Variants in ZC3H6 observed in about 807,000 individuals in gnomAD.
ZC3H6 encodes zinc finger CCCH-type containing 6, also known as zinc finger CCCH domain-containing protein 6.
Under a neutral mutation model 107.7 loss-of-function variants are expected in ZC3H6, and 40 were observed. The observed-to-expected ratio is 0.37, with a 90% confidence interval of 0.29 to 0.48. The LOEUF (loss-of-function observed/expected upper bound fraction) is 0.48, where lower values mean the gene tolerates loss of function less well. ZC3H6 is among the 20% of genes least tolerant of loss of function. The pLI is 0.98. For missense variants in ZC3H6, 1,267 were observed against 1,410.4 expected (o/e 0.90, Z 1.63); for synonymous variants, 493 against 487.9 (o/e 1.01, Z -0.14).
Position 112,321,738 on chromosome 2 carries a change from C to T in ZC3H6, c.977-18C>T. On this transcript the variant is annotated intron_variant, in intron 7 of 11. Transcript: ENST00000409871. ...GACCTTGATTTTACTTGGTCTTTTC[C>T]TTAATATTTTTATTTACATGAATTT... The T allele has an allele frequency of 6.4e-6, 9 of 1,406,786 alleles. No homozygotes were observed. The highest frequency in any genetic ancestry group is 2.7e-5 in the Admixed American group (1 of 36,706). 87.1% of individuals were successfully genotyped at this position (1,406,786 alleles called of 1,614,324 possible). A position where few individuals can be genotyped will look rare whatever the true frequency, so the allele number is the denominator to read the frequency against.
At chr2:112,294,747 G>A (rs1330385103) in intron 1 of ZC3H6, among the ~76,000 whole-genome samples, 1 of 152,058 alleles carries the variant, frequency 6.6e-6, no homozygotes, top group East Asian at 1.9e-4. Context: ...CCTCTATTAA[G>A]GCATATCAGT....
intron 1 of ZC3H6, among the ~76,000 whole-genome samples, chr2:112,292,340 C>T (rs1274054687): frequency 6.6e-6 from 1 of 152,230 alleles, no homozygotes; most frequent in Admixed American, 6.5e-5. Context: ...GGCATTTGGC[C>T]TGACTGAATA....
rs1417364618 is a variant in ZC3H6, at chr2:112,331,296, G to A, written c.2378G>A (p.Ser793Asn). Residue 793 changes from serine to asparagine, a missense_variant, in exon 12 of 12, where the codon AGT becomes AAT. Around this residue, in one of 3 missense-constraint regions of ZC3H6, gnomAD observed 925 missense variants for 1,025.7 expected, o/e 0.90. Coordinates refer to ENST00000409871, the MANE Select transcript of ZC3H6 (RefSeq NM_198581.3). ...CCCAGGAAATTGAGAGGGAATGGAAGTGGTCACATAGGCTCTTCTGTTGGT... is the reference window on the plus strand; with the variant it reads ...CCCAGGAAATTGAGAGGGAATGGAAATGGTCACATAGGCTCTTCTGTTGGT... ...WDPRKLRGNGSGHIGSSVGGA... is the reference protein window; with the variant it reads ...WDPRKLRGNGNGHIGSSVGGA... 1.2e-6 allele frequency: 2 copies of A among 1,613,556 alleles called. No individual in the cohort carries two copies. The highest frequency in any genetic ancestry group is 1.1e-5 in the South Asian group (1 of 91,090).
intron 1 of ZC3H6, among the ~76,000 whole-genome samples, chr2:112,291,273 G>A (rs899057308): frequency 2.6e-5 from 4 of 151,864 alleles, no homozygotes; most frequent in Admixed American, 1.3e-4. Context: ...TCACTCTGTC[G>A]GCCAGGCTGG....
chr2:112,303,195 A>C (rs368500504), intron 2 of ZC3H6, 34 bp from the exon 3 acceptor site: 428 of 1,585,394 alleles, frequency 2.7e-4, no homozygotes, highest in Admixed American at 3.9e-4. Context: ...TTCCTTTTGC[A>C]AATGTAACAT....
In ZC3H6 at chr2:112,331,669, A is replaced by G. The variant is rs565501945; in HGVS notation, c.2751A>G (p.Thr917=). 25 of 1,613,972 alleles carry G rather than the reference A, an allele frequency of 1.5e-5. No homozygotes were observed. Among genetic ancestry groups the G allele is most frequent in the South Asian group, 1.5e-4 (14 of 91,080 alleles). Residue 917 remains threonine, a synonymous_variant, in exon 12 of 12, where the codon ACA becomes ACG. Transcript: ENST00000409871. ...ADQRLNRLWN[T]KSDLHQNTVS... is the part of the protein sequence containing the mutation. ...AGAGGCTAAATAGATTATGGAATAC[A>G]AAAAGTGATCTTCATCAAAATACAG...
In ZC3H6 at chr2:112,299,980, AAG is replaced by A. The variant is rs1162388557; in HGVS notation, c.174_175del (p.Lys59GlufsTer9). ...AGAAAATCAAGAAAAAAACATAAGA[AAG>A]AGAGAGAGAAGAAAAAATCCAAAAG... On this transcript the variant is annotated frameshift_variant, in exon 2 of 12. Coordinates refer to ENST00000409871, the MANE Select transcript of ZC3H6 (RefSeq NM_198581.3). LOFTEE classifies it high-confidence loss of function. 20 of 1,499,046 alleles carry A rather than the reference AAG, an allele frequency of 1.3e-5. No individual in the cohort carries two copies. Among genetic ancestry groups the A allele is most frequent in the Admixed American group, 5.0e-5 (2 of 40,002 alleles). 92.9% of individuals were successfully genotyped at this position (1,499,046 alleles called of 1,614,324 possible).
Position 112,331,849 on chromosome 2 carries a change from C to A in ZC3H6, c.2931C>A (p.Pro977=). 6.2e-7 allele frequency: 1 copy of A among 1,613,832 alleles called. No homozygotes were observed. Residue 977 remains proline (P), a synonymous_variant, in exon 12 of 12, where the codon CCC becomes CCA. Transcript: ENST00000409871. ...TTGATCCTAGGCTTCACAGACTGCCCAATACAGAGTCTCATCAAGTGGTTA... is the reference window on the plus strand; with the variant it reads ...TTGATCCTAGGCTTCACAGACTGCCAAATACAGAGTCTCATCAAGTGGTTA... ...KNFDPRLHRL[P]NTESHQVVMK...
rs146668553 is a variant in ZC3H6, at chr2:112,315,066, T to C, written c.748-1404T>C. Among the ~76,000 whole-genome samples the C allele has an allele frequency of 5.6e-4, 86 of 152,292 alleles. 2 individuals are homozygous for C. In the East Asian group the frequency reaches 0.015, roughly 27 times the overall value. ...AGATTGAACTTTATGCTCTATCTTT[T>C]AGCAAATTAAGAGAAAAGGGAAAAC... On this transcript the variant is annotated intron_variant, in intron 5 of 11. Transcript: ENST00000409871.
intron 1 of ZC3H6, among the ~76,000 whole-genome samples, chr2:112,282,709 T>C (rs1411868563): frequency 4.6e-5 from 7 of 152,236 alleles, no homozygotes; most frequent in Admixed American, 3.9e-4. Context: ...TCAAGAAATA[T>C]ATTCTTTCAA....
chr2:112,330,755 A>G (rs1476029782), intron 11 of ZC3H6, among the ~76,000 whole-genome samples: 1 of 152,154 alleles, frequency 6.6e-6, no homozygotes, highest in Non-Finnish European at 1.5e-5. Context: ...ATAGAGTATA[A>G]TGACTGAATC....
chr2:112,275,613 G>C lies in ZC3H6; in HGVS notation c.-382G>C, dbSNP rs1210115456. The stretch of plus-strand genomic sequence containing the variant: ...GCGGCCGGCGCCATTTTCTCGAGCC[G>C]CCTGTTTCGGGTGCCGCCATGTTGG... On this transcript the variant is annotated 5_prime_UTR_variant, in exon 1 of 12. Transcript: ENST00000409871. The C allele has an allele frequency of 2.5e-6, 1 of 400,876 alleles. No individual in the cohort carries two copies. The highest frequency in any genetic ancestry group is 4.4e-5 in the Admixed American group (1 of 22,710). The allele number at this position is 400,876 out of a possible 1,614,324, so 24.8% of individuals were successfully genotyped here. A position where few individuals can be genotyped will look rare whatever the true frequency, so the allele number is the denominator to read the frequency against.
In ZC3H6 at chr2:112,324,471, C is replaced by A; in HGVS notation, c.1660C>A (p.Pro554Thr). ...AAGTATGGGTGGGGCTTACCACTCC[C>A]CAGGCTTTCCAGGACATGTGATGAA... ...PPSMGGAYHS[P>T]GFPGHVMKVP... The change falls in exon 10 of 12, where the codon CCA (proline) becomes ACA (threonine). Residue 554 changes from proline (P) to threonine (T), a missense_variant. Pro to Thr is a conservative substitution (Grantham distance 38, BLOSUM62 -1). Around this residue, in one of 3 missense-constraint regions of ZC3H6, gnomAD observed 925 missense variants for 1,025.7 expected, o/e 0.90. Transcript: ENST00000409871. 6.2e-7 allele frequency: 1 copy of A among 1,613,836 alleles called. No homozygotes were observed. The highest frequency in any genetic ancestry group is 8.5e-7 in the Non-Finnish European group (1 of 1,179,810).
intron 5 of ZC3H6, among the ~76,000 whole-genome samples, chr2:112,314,115 A>G (rs1433106413): frequency 1.3e-5 from 2 of 152,102 alleles, no homozygotes; most frequent in African/African-American, 4.8e-5. Flanking sequence ...AAAGTAAATA[A>G]GTTTTAAAAT....
At chr2:112,309,807 G>T (rs1300611926) in intron 3 of ZC3H6, 78 bp from the exon 4 acceptor site, 5 of 1,406,758 alleles carry the variant, frequency 3.6e-6, no homozygotes, top group African/African-American at 1.4e-5. Context: ...TTGCTGGGGG[G>T]AAAAGGATGT....
chr2:112,300,085 C>T, intron 2 of ZC3H6, 56 bp downstream of exon 2: 1 of 1,150,858 alleles, frequency 8.7e-7, no homozygotes, highest in Non-Finnish European at 1.1e-6. Flanking sequence ...ATATAAAATA[C>T]TGAAAATTAG....
At chr2:112,299,808 T>G in intron 1 of ZC3H6, 41 bp from the exon 2 acceptor site, 1 of 1,311,384 alleles carries the variant, frequency 7.6e-7, no homozygotes, top group Non-Finnish European at 9.9e-7. Context: ...GTAAGATTTG[T>G]TTTAGAATGA....
chr2:112,305,969 C>T (rs1347763991), intron 3 of ZC3H6, among the ~76,000 whole-genome samples: 2 of 152,124 alleles, frequency 1.3e-5, no homozygotes, highest in Non-Finnish European at 2.9e-5. Flanking sequence ...TTATTTGAGA[C>T]AGAGCCTTGC....
intron 1 of ZC3H6, among the ~76,000 whole-genome samples, chr2:112,298,265 C>T (rs1249565022): frequency 6.6e-6 from 1 of 151,530 alleles, no homozygotes; most frequent in Non-Finnish European, 1.5e-5. Context: ...ATAGTATGAC[C>T]CCAATCCAAA....
Sources: allele counts gnomAD v4.1 joint callset (sites outside exome capture counted in the v4.1 genomes callset), GRCh38; gene constraint gnomAD v4.1.1; regional missense constraint gnomAD v4.1.1; transcripts MANE v1.5; gene names NCBI Gene and HGNC (gene_info 2026-07-23, HGNC 2026-07-21).